The following TRPS1 variants were observed in gnomAD, a reference collection of about 807,000 sequenced individuals.
The protein encoded by TRPS1 is zinc finger transcription factor Trps1.
In TRPS1, 6 loss-of-function variants were observed where a neutral mutation model predicts 101.2. The observed-to-expected ratio is 0.06, with a 90% CI of 0.03 to 0.12. The LOEUF is 0.12. Ranked by LOEUF, TRPS1 falls within the 10% of genes least tolerant of loss-of-function variation. The pLI is 1.00. For missense variants in TRPS1, 1,363 were observed against 1,567.0 expected, an observed-to-expected ratio of 0.87 and a Z score of 2.20; for synonymous variants, 578 against 589.8, an observed-to-expected ratio of 0.98 and a Z score of 0.29.
At chr8:115,647,525 T>C (rs1005755134) in intron 1 of TRPS1, among the ~76,000 whole-genome samples, 3 of 152,164 alleles carry the variant, frequency 2.0e-5, no homozygotes, top group Non-Finnish European at 4.4e-5. Context: ...TTTGAAACTA[T>C]TACATAAGGT....
chr8:115,565,986 T>C (rs556414674), intron 5 of TRPS1, among the ~76,000 whole-genome samples: 1 of 152,278 alleles, frequency 6.6e-6, no homozygotes, highest in South Asian at 2.1e-4. Flanking sequence ...GTTTACCTAA[T>C]CTTGTACCAT....
chr8:115,507,800 A>T (rs1815484163), intron 5 of TRPS1, among the ~76,000 whole-genome samples: 1 of 152,204 alleles, frequency 6.6e-6, no homozygotes, highest in South Asian at 2.1e-4. Context: ...CAACACATAA[A>T]TCATTTTCTT....
intron 5 of TRPS1, among the ~76,000 whole-genome samples, chr8:115,451,849 G>A (rs1013376958): frequency 2.0e-5 from 3 of 152,302 alleles, no homozygotes; most frequent in South Asian, 2.1e-4. Context: ...AGTGTTGAAA[G>A]AAAGGCCCAT....
rs192230681 is a variant in TRPS1 at position 115,467,076 on chromosome 8, A to T, written c.2701-48624T>A. Among the ~76,000 whole-genome samples, 74 of 152,258 alleles carry T rather than the reference A, an allele frequency of 4.9e-4. 1 individual carries two copies. The highest frequency in any genetic ancestry group is 1.2e-3 in the East Asian group (6 of 5,174). ...TTGGAAGCAAGGTTTGAATTTTCTT[A>T]AAGAAATTTTGAATGTTATTCTTAG... On this transcript the variant is annotated intron_variant, in intron 5 of 6. Transcript: ENST00000395715.
rs77437959 is a variant in TRPS1, at chr8:115,608,667, G to A, written c.967-3665C>T. On this transcript the variant is annotated intron_variant, in intron 3 of 6. Transcript: ENST00000395715. The stretch of plus-strand genomic sequence containing the variant: ...GATCAAGTGAGAACTATGGATTTGT[G>A]CTGTCCAATAGTACTTCCTGAGATG... Among the ~76,000 whole-genome samples, 399 of 151,498 alleles carry A rather than the reference G, an allele frequency of 2.6e-3. 2 individuals carry two copies. The highest frequency in any genetic ancestry group is 4.2e-3 in the Non-Finnish European group (289 of 68,012).
intron 5 of TRPS1, among the ~76,000 whole-genome samples, chr8:115,501,444 G>A (rs1815317389): frequency 6.6e-6 from 1 of 152,072 alleles, no homozygotes; most frequent in South Asian, 2.1e-4. Flanking sequence ...TAAAACCTAA[G>A]GAATTTCAAG....
chr8:115,442,550 C>CGTGT (rs10570037), intron 5 of TRPS1, among the ~76,000 whole-genome samples: 31,504 of 144,954 alleles, frequency 0.22, 3,646 homozygotes, highest in Middle Eastern at 0.35. Context: ...AAGTATGGTG[C>CGTGT]GTGTGTGTGT....
At chr8:115,460,421 G>A (rs1814140180) in intron 5 of TRPS1, among the ~76,000 whole-genome samples, 1 of 151,774 alleles carries the variant, frequency 6.6e-6, no homozygotes, top group Admixed American at 6.6e-5. Flanking sequence ...AAGTTTCTCT[G>A]GAGTTAAAAC....
intron 5 of TRPS1, among the ~76,000 whole-genome samples, chr8:115,565,902 A>G (rs1817056701): frequency 6.6e-6 from 1 of 152,112 alleles, no homozygotes; most frequent in Non-Finnish European, 1.5e-5. Flanking sequence ...TATCACACCA[A>G]ATTAAAAGGA....
chr8:115,522,050 A>G (rs938686124), intron 5 of TRPS1, among the ~76,000 whole-genome samples: 14 of 151,996 alleles, frequency 9.2e-5, no homozygotes, highest in African/African-American at 3.1e-4. Flanking sequence ...TATGTCAACA[A>G]TAAGTATGTG....
At chr8:115,649,232 G>A (rs1213228189) in intron 1 of TRPS1, among the ~76,000 whole-genome samples, 1 of 152,150 alleles carries the variant, frequency 6.6e-6, no homozygotes, top group African/African-American at 2.4e-5. Flanking sequence ...TAGGGCCTAA[G>A]GAGAAAGCAA....
At chr8:115,606,807 C>CAAAAA (rs72238288) in intron 3 of TRPS1, among the ~76,000 whole-genome samples, 2 of 123,442 alleles carry the variant, frequency 1.6e-5, no homozygotes, top group South Asian at 2.5e-4. Context: ...GTTCATTTGC[C>CAAAAA]AAAAAAAAAA....
Position 115,414,227 on chromosome 8 carries a change from T to C in TRPS1, c.3681A>G (p.Ser1227=), listed in dbSNP as rs1266635724. 6.2e-7 allele frequency: 1 copy of C among 1,614,036 alleles called. No homozygotes were observed. The highest frequency in any genetic ancestry group is 1.7e-5 in the Admixed American group (1 of 59,986). ...KVDRSTQDEL[S]TKCVHCGIVF... ...CAATGCCACAGTGCACACATTTTGT[T>C]GAAAGTTCATCTTGAGTACTTCTAT... Residue 1227 remains serine (S), a synonymous_variant, in exon 7 of 7, where the codon TCA becomes TCG. Transcript: ENST00000395715. The surrounding 1 kb of genome is among the most constrained non-coding windows in gnomAD (Gnocchi z 4.8).
At chr8:115,468,384 C>T (rs1321504602) in intron 5 of TRPS1, among the ~76,000 whole-genome samples, 1 of 152,008 alleles carries the variant, frequency 6.6e-6, no homozygotes, top group African/African-American at 2.4e-5. Context: ...CATATATGAA[C>T]AAACAAATAG....
intron 5 of TRPS1, among the ~76,000 whole-genome samples, chr8:115,447,192 A>G (rs1291895152): frequency 2.0e-5 from 3 of 152,134 alleles, no homozygotes; most frequent in African/African-American, 7.2e-5. Context: ...GGGTTCTGCT[A>G]CATCTTCTTT....
intron 5 of TRPS1, among the ~76,000 whole-genome samples, chr8:115,559,611 GT>G (rs1816901707): frequency 6.6e-6 from 1 of 152,058 alleles, no homozygotes; most frequent in African/African-American, 2.4e-5. Context: ...ACTGATATAT[GT>G]TTATTGAATG....
chr8:115,579,631 CA>C (rs34974325), intron 5 of TRPS1, among the ~76,000 whole-genome samples: 152,097 of 152,098 alleles, frequency 1, 76,048 homozygotes, highest in Non-Finnish European at 1. Flanking sequence ...TTAATGGTAG[CA>C]AAAATTATAA....
At chr8:115,584,979 A>G (rs150650620) in intron 5 of TRPS1, among the ~76,000 whole-genome samples, 1 of 152,128 alleles carries the variant, frequency 6.6e-6, no homozygotes. Flanking sequence ...GAATGATTCA[A>G]TATTCTTCCT....
intron 5 of TRPS1, among the ~76,000 whole-genome samples, chr8:115,503,200 G>C (rs543296026): frequency 2.7e-5 from 4 of 149,700 alleles, no homozygotes; most frequent in Non-Finnish European, 5.9e-5. Flanking sequence ...CTTGCAGTGA[G>C]CCGAGATCGC....
Sources: allele counts gnomAD v4.1 joint callset (sites outside exome capture counted in the v4.1 genomes callset), GRCh38; gene constraint gnomAD v4.1.1; non-coding constraint Gnocchi (gnomAD v3.1); transcripts MANE v1.5; gene names NCBI Gene and HGNC (gene_info 2026-07-23, HGNC 2026-07-21).